PTDSS2: variants seen among roughly 807,000 people sequenced by gnomAD.
The protein encoded by PTDSS2 is PSS-2.
Under a neutral mutation model 64.7 loss-of-function variants are expected in PTDSS2, and 41 were observed. The ratio of observed to expected loss-of-function variants is 0.63; its 90% confidence interval spans 0.49 to 0.82. The LOEUF (loss-of-function observed/expected upper bound fraction) is 0.82. PTDSS2 is among the 40% of genes least tolerant of loss of function. The pLI is 0.00. For synonymous variants in PTDSS2, 297 were observed against 277.8 expected, an observed-to-expected ratio of 1.07 and a Z score of -0.69; for missense variants, 485 against 650.0, an observed-to-expected ratio of 0.75 and a Z score of 2.76.
chr11:468,519 C>T (rs1422713818), intron 2 of PTDSS2, among the ~76,000 whole-genome samples: 1 of 152,252 alleles, frequency 6.6e-6, no homozygotes, highest in East Asian at 1.9e-4. Context: ...TTAACTACTG[C>T]AGATGCATTC....
At chr11:453,687 G>C (rs530655281) in intron 1 of PTDSS2, among the ~76,000 whole-genome samples, 1 of 152,248 alleles carries the variant, frequency 6.6e-6, no homozygotes, top group Admixed American at 6.5e-5. Context: ...AAGGGCCAGT[G>C]CCCGGTCCAG....
At chr11:453,409 C>T (rs114330249) in intron 1 of PTDSS2, among the ~76,000 whole-genome samples, 4,614 of 152,296 alleles carry the variant, frequency 0.03, 236 homozygotes, top group African/African-American at 0.11. Context: ...GATGACCACA[C>T]TTGCTAACCA....
intron 4 of PTDSS2, among the ~76,000 whole-genome samples, chr11:483,882 C>T (rs1414345344): frequency 6.6e-6 from 1 of 152,174 alleles, no homozygotes; most frequent in Admixed American, 6.5e-5. Flanking sequence ...CATGACGTAT[C>T]CCTGGCGCTG....
Position 479,243 on chromosome 11 carries a change from C to G in PTDSS2, c.435+91C>G. On this transcript the variant is annotated intron_variant, in intron 4 of 11. Transcript: ENST00000308020. This position sits in a 1 kb window ranked among gnomAD's most constrained non-coding sequence, Gnocchi z 4.2. ...CAAAGGAGGCCTTGCCCACACAGCC[C>G]TCGAGTGATGGGAGGAAGCAGGGCT... 1 of 1,071,234 alleles carries G rather than the reference C, an allele frequency of 9.3e-7. No individual in the cohort carries two copies. Among genetic ancestry groups the G allele is most frequent in the Non-Finnish European group, 1.5e-6 (1 of 686,092 alleles). 66.4% of individuals were successfully genotyped at this position (1,071,234 alleles called of 1,614,324 possible).
At chr11:464,007 A>G (rs1044873010) in intron 2 of PTDSS2, 23 of 149,098 alleles carry the variant, frequency 1.5e-4, no homozygotes, top group African/African-American at 5.5e-4. Flanking sequence ...TTTTTTGGAG[A>G]CAGGGTCGTG....
intron 4 of PTDSS2, among the ~76,000 whole-genome samples, chr11:482,812 CTG>C (rs1325877583): frequency 6.8e-6 from 1 of 147,802 alleles, no homozygotes; most frequent in Non-Finnish European, 1.5e-5. Flanking sequence ...GGAGAAGGTT[CTG>C]TGAGTTTTTC....
intron 1 of PTDSS2, among the ~76,000 whole-genome samples, chr11:457,123 T>C (rs1846631647): frequency 6.6e-6 from 1 of 152,132 alleles, no homozygotes. Context: ...CAAGACCCCA[T>C]CTGCACAAAA....
At chr11:482,223 C>CTTTT (rs558526140) in intron 4 of PTDSS2, among the ~76,000 whole-genome samples, 16 of 117,368 alleles carry the variant, frequency 1.4e-4, no homozygotes, top group African/African-American at 4.9e-4. Context: ...CAAGGATGGG[C>CTTTT]TTTTTTTTTT....
chr11:463,415 C>A (rs867516841), intron 2 of PTDSS2: 1 of 147,714 alleles, frequency 6.8e-6, no homozygotes, highest in Admixed American at 6.8e-5. Context: ...TTAGTGGAGA[C>A]GGGGTTTCAC....
intron 4 of PTDSS2, among the ~76,000 whole-genome samples, chr11:482,088 C>T (rs907786511): frequency 2.0e-5 from 3 of 151,896 alleles, no homozygotes; most frequent in African/African-American, 7.3e-5. Flanking sequence ...TCAGGTGATC[C>T]GCCCACCTTG....
chr11:490,669 C>G lies in PTDSS2; in HGVS notation c.*87C>G. On this transcript the variant is annotated 3_prime_UTR_variant, in exon 12 of 12. Coordinates refer to ENST00000308020, the MANE Select transcript of PTDSS2 (RefSeq NM_030783.3). Reference sequence around the variant, plus strand: ...TGAGTCCCACCAGGAGCCACGTGCCCGGCCTTGCCCTCAAGGTTTTTTGCT... The same window carrying G: ...TGAGTCCCACCAGGAGCCACGTGCCGGGCCTTGCCCTCAAGGTTTTTTGCT... The G allele has an allele frequency of 7.3e-7, 1 of 1,369,292 alleles. No individual in the cohort carries two copies. The highest frequency in any genetic ancestry group is 9.8e-7 in the Non-Finnish European group (1 of 1,022,348). 84.8% of individuals were successfully genotyped at this position (1,369,292 alleles called of 1,614,324 possible).
intron 1 of PTDSS2, among the ~76,000 whole-genome samples, chr11:454,932 A>C (rs752209610): frequency 3.9e-5 from 6 of 152,168 alleles, no homozygotes; most frequent in Non-Finnish European, 7.4e-5. Context: ...GGGATTCTGC[A>C]TGTGAATGGG....
chr11:455,021 T>C (rs904574986), intron 1 of PTDSS2, among the ~76,000 whole-genome samples: 27 of 151,428 alleles, frequency 1.8e-4, no homozygotes, highest in African/African-American at 6.0e-4. Flanking sequence ...TGCAGCCTCC[T>C]CCTCCAGTGG....
chr11:484,243 C>G (rs1002068437), intron 4 of PTDSS2, among the ~76,000 whole-genome samples: 2 of 152,202 alleles, frequency 1.3e-5, no homozygotes, highest in Non-Finnish European at 2.9e-5. Context: ...CACACCCTCA[C>G]GGAGTTCTTG....
chr11:486,842 C>T (rs1848415435), intron 4 of PTDSS2, 97 bp from the exon 5 acceptor site: 5 of 1,457,684 alleles, frequency 3.4e-6, no homozygotes, highest in Non-Finnish European at 4.6e-6. Context: ...AGCGAGACTC[C>T]ATCTCAAAAA....
At chr11:463,168 AAAAAAAAAAG>A (rs1257057392) in intron 2 of PTDSS2, 1 of 151,916 alleles carries the variant, frequency 6.6e-6, no homozygotes, top group Non-Finnish European at 1.5e-5. Flanking sequence ...CCGTCTCAAA[AAAAAAAAAAG>A]AAAAGAAAAG....
chr11:482,308 C>T (rs1848109897), intron 4 of PTDSS2, among the ~76,000 whole-genome samples: 1 of 151,642 alleles, frequency 6.6e-6, no homozygotes, highest in East Asian at 1.9e-4. Context: ...CTGCAAGCTC[C>T]GCCTCCCAGG....
chr11:490,889 G>T lies in PTDSS2; in HGVS notation c.*307G>T. ...CGAGGCTTCTCCAGAGCTGGGAGCTGGCTGGCGTGGCAAGGGCATGCTCTG... is the reference window on the plus strand; with the variant it reads ...CGAGGCTTCTCCAGAGCTGGGAGCTTGCTGGCGTGGCAAGGGCATGCTCTG... On this transcript the variant is annotated 3_prime_UTR_variant, in exon 12 of 12. Coordinates refer to ENST00000308020, the MANE Select transcript of PTDSS2 (RefSeq NM_030783.3). 2.6e-6 allele frequency: 1 copy of T among 391,788 alleles called. No individual in the cohort carries two copies. Among genetic ancestry groups the T allele is most frequent in the Non-Finnish European group, 4.6e-6 (1 of 217,018 alleles). 24.3% of individuals were successfully genotyped at this position (391,788 alleles called of 1,614,324 possible).
intron 2 of PTDSS2, among the ~76,000 whole-genome samples, chr11:468,481 C>T: frequency 6.6e-6 from 1 of 152,198 alleles, no homozygotes; most frequent in South Asian, 2.1e-4. Flanking sequence ...ATGGGGGTCC[C>T]GGCGGGGAAG....
Sources: gnomAD v4.1 joint callset for allele counts (sites outside exome capture counted in the v4.1 genomes callset) on GRCh38, gnomAD v4.1.1 for gene constraint, Gnocchi (gnomAD v3.1) non-coding constraint, MANE v1.5 for transcripts, NCBI Gene and HGNC (gene_info 2026-07-23, HGNC 2026-07-21) for gene names.